The following ADAMTS9 variants were observed in gnomAD, a reference collection of about 807,000 sequenced individuals.
The protein encoded by ADAMTS9 is A disintegrin and metalloproteinase with thrombospondin motifs 9.
ADAMTS9 carries 107 observed loss-of-function variants against 257.1 expected under a neutral mutation model. That is an observed-to-expected ratio of 0.42 (90% confidence interval 0.36 to 0.49). The LOEUF is 0.49. Among genes scored for constraint, ADAMTS9 ranks in the 20% least tolerant of loss-of-function variants. The pLI is 0.03. For synonymous variants in ADAMTS9, 982 were observed against 880.9 expected, an observed-to-expected ratio of 1.11 and a Z score of -2.03; for missense variants, 2,353 against 2,469.1, an observed-to-expected ratio of 0.95 and a Z score of 1.00.
chr3:64,642,962 A>AC (rs1700692377), intron 11 of ADAMTS9, among the ~76,000 whole-genome samples: 1 of 151,966 alleles, frequency 6.6e-6, no homozygotes, highest in South Asian at 2.1e-4. Flanking sequence ...AGCAGGCCCC[A>AC]CCCCCACACA....
intron 22 of ADAMTS9, 118 bp from the exon 23 acceptor site, chr3:64,607,197 G>A (rs189562198): frequency 8.0e-6 from 11 of 1,379,870 alleles, no homozygotes; most frequent in African/African-American, 2.9e-5. Flanking sequence ...GAGGGCTGGC[G>A]CTCAAATAAA....
intron 31 of ADAMTS9, among the ~76,000 whole-genome samples, chr3:64,548,187 C>T (rs2106926348): frequency 6.6e-6 from 1 of 152,302 alleles, no homozygotes; most frequent in South Asian, 2.1e-4. Flanking sequence ...TAGTTTTCTT[C>T]TCCTGCAACT....
intron 28 of ADAMTS9, among the ~76,000 whole-genome samples, chr3:64,570,396 G>C (rs1205727395): frequency 2.0e-5 from 3 of 152,164 alleles, no homozygotes; most frequent in African/African-American, 4.8e-5. Context: ...AGGCAGCAAA[G>C]CTATGAGCTA....
intron 38 of ADAMTS9, among the ~76,000 whole-genome samples, chr3:64,525,621 T>C (rs993054204): frequency 2.6e-5 from 4 of 152,046 alleles, no homozygotes; most frequent in African/African-American, 4.8e-5. Context: ...TTTATTTTTA[T>C]TTTTTTGAGA....
At chr3:64,534,413 G>T (rs945845199) in intron 37 of ADAMTS9, among the ~76,000 whole-genome samples, 6 of 152,174 alleles carry the variant, frequency 3.9e-5, no homozygotes, top group Admixed American at 2.0e-4. Flanking sequence ...TTTTCTAATT[G>T]TTTTGTAAGT....
chr3:64,641,194 A>C (rs534494038), intron 12 of ADAMTS9, among the ~76,000 whole-genome samples: 1 of 150,834 alleles, frequency 6.6e-6, no homozygotes, highest in South Asian at 2.1e-4. Context: ...AAAATGTCCA[A>C]TTTTTTTGTT....
chr3:64,650,672 A>G (rs1237390092), intron 9 of ADAMTS9: 2 of 205,412 alleles, frequency 9.7e-6, no homozygotes, highest in Non-Finnish European at 1.9e-5. Flanking sequence ...CTAAATTAGA[A>G]GTGCATAAAT....
At chr3:64,527,482 G>A (rs1257174744) in intron 38 of ADAMTS9, among the ~76,000 whole-genome samples, 1 of 152,072 alleles carries the variant, frequency 6.6e-6, no homozygotes, top group African/African-American at 2.4e-5. Context: ...GTTGGGGGTG[G>A]AGGTGGGGAT....
chr3:64,573,222 G>C (rs2083742957), intron 28 of ADAMTS9, among the ~76,000 whole-genome samples: 1 of 152,170 alleles, frequency 6.6e-6, no homozygotes, highest in Non-Finnish European at 1.5e-5. Context: ...CATGGGCCAG[G>C]GGGACAGCCC....
intron 28 of ADAMTS9, among the ~76,000 whole-genome samples, chr3:64,591,941 C>T (rs971290656): frequency 1.3e-5 from 2 of 152,110 alleles, no homozygotes; most frequent in Admixed American, 1.3e-4. Context: ...CCGTCAGTTA[C>T]AATGATGAAG....
intron 21 of ADAMTS9, among the ~76,000 whole-genome samples, chr3:64,614,013 A>G (rs1400898055): frequency 6.6e-6 from 1 of 152,226 alleles, no homozygotes; most frequent in Non-Finnish European, 1.5e-5. Flanking sequence ...ATCCATACTT[A>G]CTGTAGAAAA....
Position 64,654,456 on chromosome 3 carries a change from G to C in ADAMTS9, c.1213C>G (p.Leu405Val). Residue 405 changes from leucine (L) to valine (V), a missense_variant and splice_region_variant, in exon 8 of 40, where the codon CTG becomes GTG. Around this residue, in one of 3 missense-constraint regions of ADAMTS9, gnomAD observed 591 missense variants for 569.6 expected, o/e 1.04. Coordinates refer to ENST00000498707, the MANE Select transcript of ADAMTS9 (RefSeq NM_182920.2). The part of the protein sequence containing the change: ...RAHDKCDTLG[L>V]AELGTICDPY... The stretch of plus-strand genomic sequence containing the variant: ...TCACAAATGGTTCCCAGTTCAGCCA[G>C]GCCTATTAGAAGGAAAAAAACCAAC... 1 of 1,613,760 alleles carries C rather than the reference G, an allele frequency of 6.2e-7. No homozygotes were observed. The highest frequency in any genetic ancestry group is 8.5e-7 in the Non-Finnish European group (1 of 1,179,958).
At chr3:64,678,956 T>C (rs982763541) in intron 3 of ADAMTS9, among the ~76,000 whole-genome samples, 3 of 152,160 alleles carry the variant, frequency 2.0e-5, no homozygotes, top group Non-Finnish European at 4.4e-5. Context: ...CGGCATGCCA[T>C]ATTGGTCAGG....
intron 28 of ADAMTS9, among the ~76,000 whole-genome samples, chr3:64,577,460 G>T (rs767341855): frequency 2.0e-5 from 3 of 152,210 alleles, no homozygotes; most frequent in Non-Finnish European, 4.4e-5. Context: ...TGCCTGCCAT[G>T]GGATTATTTA....
At chr3:64,524,358 A>C (rs1341736636) in intron 38 of ADAMTS9, among the ~76,000 whole-genome samples, 2 of 152,240 alleles carry the variant, frequency 1.3e-5, no homozygotes, top group Non-Finnish European at 2.9e-5. Context: ...TTGCCTGCCA[A>C]GCCATGAATA....
intron 21 of ADAMTS9, 45 bp from the exon 22 acceptor site, chr3:64,613,554 T>C: frequency 6.3e-7 from 1 of 1,575,660 alleles, no homozygotes; most frequent in Non-Finnish European, 8.6e-7. Flanking sequence ...CTGATCAATG[T>C]GTTGTGGTTT....
At chr3:64,534,169 G>C (rs2083017303) in intron 37 of ADAMTS9, among the ~76,000 whole-genome samples, 1 of 152,164 alleles carries the variant, frequency 6.6e-6, no homozygotes, top group African/African-American at 2.4e-5. Flanking sequence ...TTATAAACAA[G>C]AAGAGAGGCA....
chr3:64,576,592 T>C (rs1307561301), intron 28 of ADAMTS9, among the ~76,000 whole-genome samples: 1 of 152,196 alleles, frequency 6.6e-6, no homozygotes, highest in East Asian at 1.9e-4. Flanking sequence ...GATGGCTGTT[T>C]ATGTCTGGGA....
rs759992903 is a variant in ADAMTS9, at chr3:64,686,560, C to T, written c.516+8G>A. Reference sequence around the variant, plus strand: ...GAAGGGGAGAGGAGGTGGCGCGCGCCCACTTACCATTCCTGAGCAGAGGCT... The same window carrying T: ...GAAGGGGAGAGGAGGTGGCGCGCGCTCACTTACCATTCCTGAGCAGAGGCT... On this transcript the variant is annotated splice_region_variant and intron_variant, in intron 2 of 39. Coordinates refer to ENST00000498707, the MANE Select transcript of ADAMTS9 (RefSeq NM_182920.2). This position sits in a 1 kb window ranked among gnomAD's most constrained non-coding sequence, Gnocchi z 4.6. The T allele has an allele frequency of 3.1e-6, 5 of 1,595,598 alleles. No homozygotes were observed. The highest frequency in any genetic ancestry group is 3.4e-5 in the Admixed American group (2 of 57,992).
Sources: gnomAD v4.1 joint callset for allele counts (sites outside exome capture counted in the v4.1 genomes callset) on GRCh38, gnomAD v4.1.1 for gene constraint, gnomAD v4.1.1 regional missense constraint, Gnocchi (gnomAD v3.1) non-coding constraint, MANE v1.5 for transcripts, NCBI Gene and HGNC (gene_info 2026-07-23, HGNC 2026-07-21) for gene names.